AKAP7: variants seen among roughly 807,000 people sequenced by gnomAD.
The protein encoded by AKAP7 is A-kinase anchoring protein 7, also known as A kinase (PRKA) anchor protein 7.
A neutral mutation model predicts 39.5 loss-of-function variants in AKAP7; 39 were observed. The ratio of observed to expected loss-of-function variants is 0.99; its 90% CI spans 0.76 to 1.29. The LOEUF (loss-of-function observed/expected upper bound fraction) is 1.29, where lower values mean the gene tolerates loss of function less well. Among genes scored for constraint, AKAP7 ranks in the 50% most tolerant of loss-of-function variants. The pLI is 0.00. For missense variants in AKAP7, 414 were observed against 407.7 expected, an observed-to-expected ratio of 1.02 and a Z score of -0.13; for synonymous variants, 140 against 139.1, an observed-to-expected ratio of 1.01 and a Z score of -0.05.
intron 6 of AKAP7, among the ~76,000 whole-genome samples, chr6:131,209,426 A>G (rs1412196304): frequency 2.0e-5 from 3 of 151,776 alleles, no homozygotes; most frequent in Non-Finnish European, 2.9e-5. Flanking sequence ...AATTTTTTGT[A>G]TTTTTAGTAG....
At chr6:131,237,116 G>A (rs1811135837) in intron 7 of AKAP7, among the ~76,000 whole-genome samples, 1 of 152,076 alleles carries the variant, frequency 6.6e-6, no homozygotes, top group Admixed American at 6.6e-5. Context: ...TTAGCATGAA[G>A]GGTTGTTGAA....
chr6:131,278,085 A>G (rs141006514), intron 7 of AKAP7, among the ~76,000 whole-genome samples: 74 of 152,268 alleles, frequency 4.9e-4, no homozygotes, highest in African/African-American at 1.6e-3. Context: ...AAATGTTGCT[A>G]TTGGTTTCAA....
chr6:131,254,739 A>C (rs1439622584), intron 7 of AKAP7, among the ~76,000 whole-genome samples: 1 of 152,220 alleles, frequency 6.6e-6, no homozygotes, highest in Non-Finnish European at 1.5e-5. Context: ...CTGACAACTC[A>C]GTTTCTTTCT....
chr6:131,192,858 C>G (rs1200964681), intron 5 of AKAP7, among the ~76,000 whole-genome samples: 1 of 151,976 alleles, frequency 6.6e-6, no homozygotes, highest in Non-Finnish European at 1.5e-5. Flanking sequence ...AGTAGGATTA[C>G]TTTTTGGATT....
intron 6 of AKAP7, among the ~76,000 whole-genome samples, chr6:131,202,239 ACCCAGCCAT>A (rs1807641233): frequency 6.7e-6 from 1 of 148,426 alleles, no homozygotes. Context: ...ATACCATTTG[ACCCAGCCAT>A]CCCATTACTG....
chr6:131,205,696 A>G (rs1488730369), intron 6 of AKAP7, among the ~76,000 whole-genome samples: 1 of 152,286 alleles, frequency 6.6e-6, no homozygotes, highest in South Asian at 2.1e-4. Context: ...CTTGGCAATT[A>G]TGTATCTTTC....
intron 7 of AKAP7, among the ~76,000 whole-genome samples, chr6:131,243,973 T>C (rs1156435112): frequency 1.3e-5 from 2 of 151,642 alleles, no homozygotes; most frequent in African/African-American, 2.4e-5. Flanking sequence ...TACTGGTCAG[T>C]AGATTAAGTA....
intron 5 of AKAP7, among the ~76,000 whole-genome samples, chr6:131,197,086 T>C (rs1807011222): frequency 1.3e-5 from 2 of 152,122 alleles, no homozygotes. Flanking sequence ...CAGAGAATCA[T>C]ATTATAGATG....
rs1314470296 is a variant in AKAP7 at position 131,281,987 on chromosome 6, G to C, written c.*261G>C. On this transcript the variant is annotated 3_prime_UTR_variant, in exon 8 of 8. Transcript: ENST00000431975. The surrounding 1 kb of genome is among the most constrained non-coding windows in gnomAD (Gnocchi z 4.0). The stretch of plus-strand genomic sequence containing the variant: ...CATTCGCCCTCAGCCACGCACAAGG[G>C]AAAGGGAACTTTGGGTTATGCCTCC... 1.7e-6 allele frequency: 2 copies of C among 1,186,044 alleles called. No homozygotes were observed. The highest frequency in any genetic ancestry group is 2.1e-6 in the Non-Finnish European group (2 of 960,136). The allele number at this position is 1,186,044 out of a possible 1,614,324, so 73.5% of individuals were successfully genotyped here.
At chr6:131,259,785 GA>G in intron 7 of AKAP7, among the ~76,000 whole-genome samples, 1 of 152,202 alleles carries the variant, frequency 6.6e-6, no homozygotes, top group South Asian at 2.1e-4. Flanking sequence ...AATTTAAATG[GA>G]AGAGCAAAAT....
intron 1 of AKAP7, among the ~76,000 whole-genome samples, chr6:131,143,466 C>G (rs1801210334): frequency 6.6e-6 from 1 of 152,184 alleles, no homozygotes; most frequent in Non-Finnish European, 1.5e-5. Flanking sequence ...TTGCCTTGCA[C>G]CATGATTTTA....
At chr6:131,200,591 T>C (rs1807459956) in intron 6 of AKAP7, among the ~76,000 whole-genome samples, 1 of 152,168 alleles carries the variant, frequency 6.6e-6, no homozygotes, top group Non-Finnish European at 1.5e-5. Flanking sequence ...TTTGGGTGAC[T>C]CACCATCCTA....
At chr6:131,255,469 T>C (rs1365789271) in intron 7 of AKAP7, among the ~76,000 whole-genome samples, 1 of 152,216 alleles carries the variant, frequency 6.6e-6, no homozygotes, top group African/African-American at 2.4e-5. Context: ...CCCCAGGGAA[T>C]GAGGATAGGG....
intron 7 of AKAP7, among the ~76,000 whole-genome samples, chr6:131,274,572 A>C (rs971122923): frequency 7.2e-5 from 11 of 152,092 alleles, no homozygotes; most frequent in African/African-American, 2.4e-4. Context: ...TCATGGGCTC[A>C]AGCAATCCTC....
chr6:131,247,585 G>T lies in AKAP7; in HGVS notation c.850+27777G>T, dbSNP rs1381123799. ...TCCACCCACCTTGGCCTCCTGAAGT[G>T]CTGGGATTACAGGCATGAGCCACCG... is the stretch of plus-strand genomic sequence containing the variant. On this transcript the variant is annotated intron_variant, in intron 7 of 7. Transcript: ENST00000431975. Among the ~76,000 whole-genome samples the T allele has an allele frequency of 5.9e-5, 9 of 151,720 alleles. 1 individual carries two copies. The South Asian group carries it at 1.3e-3, about 21-fold the overall frequency.
intron 5 of AKAP7, among the ~76,000 whole-genome samples, chr6:131,192,283 G>A (rs1429523134): frequency 6.6e-6 from 1 of 152,112 alleles, no homozygotes; most frequent in African/African-American, 2.4e-5. Context: ...AGAGATAGGT[G>A]TCTAGTTTCA....
chr6:131,142,459 T>C (rs1317632608), intron 1 of AKAP7, among the ~76,000 whole-genome samples: 2 of 152,182 alleles, frequency 1.3e-5, no homozygotes, highest in Non-Finnish European at 2.9e-5. Context: ...CTGTAAGCCT[T>C]GGGGGCTTCC....
intron 7 of AKAP7, among the ~76,000 whole-genome samples, chr6:131,239,070 G>A (rs1311730877): frequency 6.6e-6 from 1 of 152,130 alleles, no homozygotes; most frequent in Non-Finnish European, 1.5e-5. Context: ...CATGTTTAGT[G>A]CTTCCTTCAG....
intron 7 of AKAP7, among the ~76,000 whole-genome samples, chr6:131,265,902 G>A (rs1379604440): frequency 6.6e-6 from 1 of 152,196 alleles, no homozygotes; most frequent in African/African-American, 2.4e-5. Flanking sequence ...TATGACGTCT[G>A]TTTGTTATTA....
Sources: gnomAD v4.1 joint callset for allele counts (sites outside exome capture counted in the v4.1 genomes callset) on GRCh38, gnomAD v4.1.1 for gene constraint, Gnocchi (gnomAD v3.1) non-coding constraint, MANE v1.5 for transcripts, NCBI Gene and HGNC (gene_info 2026-07-23, HGNC 2026-07-21) for gene names.